Variants in OBP2B observed in about 807,000 individuals in gnomAD.
OBP2B encodes odorant-binding protein 2b.
Under a neutral mutation model 21.7 loss-of-function variants are expected in OBP2B, and 10 were observed. The observed-to-expected ratio is 0.46, with a 90% CI of 0.28 to 0.78. OBP2B has a LOEUF of 0.78. Among genes scored for constraint, OBP2B ranks in the 30% least tolerant of loss-of-function variants. OBP2B has a pLI of 0.11. For missense variants in OBP2B, 153 were observed against 217.7 expected, an observed-to-expected ratio of 0.70 and a Z score of 1.87; for synonymous variants, 73 against 91.5, an observed-to-expected ratio of 0.80 and a Z score of 1.16.
At chr9:133,214,940 G>T in the OBP2B span, among the ~76,000 whole-genome samples, 1 of 152,138 alleles carries the variant, frequency 6.6e-6, no homozygotes. Context: ...GGAAATTAAA[G>T]ACATACAAAT....
rs368661886 is a variant in OBP2B at position 133,208,221 on chromosome 9, C to G, written c.207-18G>C. Reference sequence around the variant, plus strand: ...CCTCCCTCCTGGAAAACAGGAGACACGCGGGCAGCGGCTCCCAGGACACCC... The same window carrying G: ...CCTCCCTCCTGGAAAACAGGAGACAGGCGGGCAGCGGCTCCCAGGACACCC... On this transcript the variant is annotated intron_variant, in intron 2 of 6. Coordinates refer to ENST00000372034, the MANE Select transcript of OBP2B (RefSeq NM_014581.4). The G allele has an allele frequency of 2.5e-6, 4 of 1,611,604 alleles. No homozygotes were observed. The highest frequency in any genetic ancestry group is 2.2e-5 in the East Asian group (1 of 44,882).
At chr9:133,211,089 C>T (rs1338424478), upstream of OBP2B, among the ~76,000 whole-genome samples, 1 of 152,208 alleles carries the variant, frequency 6.6e-6, no homozygotes, top group African/African-American at 2.4e-5. Context: ...AGGTGCTTCA[C>T]TGAAGTGGAC....
the OBP2B span, among the ~76,000 whole-genome samples, chr9:133,215,916 T>C: frequency 1.3e-5 from 2 of 152,232 alleles, no homozygotes; most frequent in African/African-American, 4.8e-5. Flanking sequence ...AACCTTGGTC[T>C]CACACCCTGC....
chr9:133,219,609 T>A, the OBP2B span, among the ~76,000 whole-genome samples: 2 of 152,168 alleles, frequency 1.3e-5, no homozygotes, highest in East Asian at 3.8e-4. Context: ...CAAAGCCAGA[T>A]AATAACAAGG....
At chr9:133,208,644 G>T (rs782145575) in intron 1 of OBP2B, 42 bp from the exon 2 acceptor site, 1 of 1,555,002 alleles carries the variant, frequency 6.4e-7, no homozygotes, top group Non-Finnish European at 8.7e-7. Context: ...GGGTGGCCCA[G>T]ATTCTACTCT....
intron 5 of OBP2B, 37 bp from the exon 6 acceptor site, chr9:133,205,977 G>T (rs781905190): frequency 1.3e-6 from 2 of 1,545,874 alleles, no homozygotes; most frequent in East Asian, 4.7e-5. Flanking sequence ...ATTAGAAGGC[G>T]CCCTAGACCA....
the OBP2B span, among the ~76,000 whole-genome samples, chr9:133,218,710 G>A: frequency 6.6e-6 from 1 of 152,192 alleles, no homozygotes. Context: ...TGCCTGGAGG[G>A]AATTTCAATC....
At chr9:133,220,087 C>A in the OBP2B span, among the ~76,000 whole-genome samples, 1 of 152,018 alleles carries the variant, frequency 6.6e-6, no homozygotes, top group African/African-American at 2.4e-5. Flanking sequence ...GACGGGAAGT[C>A]GATGAGAGGT....
At chr9:133,215,060 A>G in the OBP2B span, among the ~76,000 whole-genome samples, 1 of 152,250 alleles carries the variant, frequency 6.6e-6, no homozygotes, top group Non-Finnish European at 1.5e-5. Flanking sequence ...ACCTCCTAGA[A>G]CTATTAAGCG....
At chr9:133,218,342 C>G in the OBP2B span, among the ~76,000 whole-genome samples, 1 of 152,218 alleles carries the variant, frequency 6.6e-6, no homozygotes, top group Non-Finnish European at 1.5e-5. Context: ...TTAAGGACCA[C>G]CACGAGGACT....
chr9:133,206,773 G>C (rs1456990827), intron 4 of OBP2B, among the ~76,000 whole-genome samples: 20 of 151,938 alleles, frequency 1.3e-4, no homozygotes, highest in African/African-American at 4.6e-4. Context: ...CCCAGGAAGG[G>C]GGACAGTGGC....
the OBP2B span, among the ~76,000 whole-genome samples, chr9:133,222,723 T>C: frequency 6.6e-6 from 1 of 151,402 alleles, no homozygotes; most frequent in Non-Finnish European, 1.5e-5. Flanking sequence ...AGAGCAAGAC[T>C]CCAAAACAAA....
At chr9:133,209,956 T>G (rs1388340805), upstream of OBP2B, among the ~76,000 whole-genome samples, 1 of 152,208 alleles carries the variant, frequency 6.6e-6, no homozygotes, top group Non-Finnish European at 1.5e-5. The surrounding 1 kb of genome is among the most constrained non-coding windows in gnomAD (Gnocchi z 6.0). Flanking sequence ...CCTGTCCATT[T>G]CTTCCTGCAC....
chr9:133,210,597 GGTT>G (rs139817866), upstream of OBP2B, among the ~76,000 whole-genome samples: 2,180 of 152,282 alleles, frequency 0.014, 108 homozygotes, highest in East Asian at 0.14. Flanking sequence ...GTATTTCATT[GGTT>G]GTTTGTGAAT....
At chr9:133,222,498 TG>T in the OBP2B span, among the ~76,000 whole-genome samples, 2 of 151,914 alleles carry the variant, frequency 1.3e-5, no homozygotes, top group African/African-American at 4.8e-5. Flanking sequence ...GAGGCATAGG[TG>T]GGTGGATCAA....
upstream of OBP2B, among the ~76,000 whole-genome samples, chr9:133,212,194 C>A (rs1441634190): frequency 6.6e-6 from 1 of 152,092 alleles, no homozygotes; most frequent in Non-Finnish European, 1.5e-5. Context: ...ATATGTGAAG[C>A]AAAACAGAAC....
the OBP2B span, among the ~76,000 whole-genome samples, chr9:133,222,721 ACTCCAAAACAAAAAAAAAGTGTCATT>A: frequency 6.6e-6 from 1 of 151,802 alleles, no homozygotes; most frequent in African/African-American, 2.4e-5. Context: ...ACAGAGCAAG[ACTCCAAAACAAAAAAAAAGTGTCATT>A]CTCAGGGACC....
upstream of OBP2B, among the ~76,000 whole-genome samples, chr9:133,211,503 C>A (rs1462350388): frequency 1.3e-5 from 2 of 152,204 alleles, no homozygotes; most frequent in African/African-American, 4.8e-5. Flanking sequence ...GTGCCTGCAC[C>A]TTTTCTTCTG....
upstream of OBP2B, among the ~76,000 whole-genome samples, chr9:133,212,304 C>T (rs1164165546): frequency 1.3e-5 from 2 of 152,198 alleles, no homozygotes; most frequent in African/African-American, 4.8e-5. Flanking sequence ...TCAAAGAACT[C>T]GGCCACCCAT....
Sources: allele counts gnomAD v4.1 joint callset (sites outside exome capture counted in the v4.1 genomes callset), GRCh38; gene constraint gnomAD v4.1.1; non-coding constraint Gnocchi (gnomAD v3.1); transcripts MANE v1.5; gene names NCBI Gene and HGNC (gene_info 2026-07-23, HGNC 2026-07-21).